The following STAT2 variants were observed in gnomAD, a reference collection of about 807,000 sequenced individuals.
The protein encoded by STAT2 is signal transducer and activator of transcription 2.
STAT2 carries 51 observed loss-of-function variants against 122.3 expected under a neutral mutation model. The ratio of observed to expected loss-of-function variants is 0.42; its 90% CI spans 0.33 to 0.53. The LOEUF (loss-of-function observed/expected upper bound fraction) is 0.53, where lower values mean the gene tolerates loss of function less well. Ranked by LOEUF, STAT2 falls within the 20% of genes least tolerant of loss-of-function variation. The probability of loss-of-function intolerance (pLI) is 0.10; values close to 1 mark genes in which losing one functional copy is unlikely to be tolerated. For missense variants in STAT2, 736 were observed against 1,010.3 expected (o/e 0.73, Z 3.68); for synonymous variants, 351 against 394.9 (o/e 0.89, Z 1.32).
intron 3 of STAT2, among the ~76,000 whole-genome samples, 160 bp from the exon 4 acceptor site, chr12:56,355,963 T>C (rs1879446995): frequency 6.6e-6 from 1 of 152,212 alleles, no homozygotes; most frequent in Non-Finnish European, 1.5e-5. Context: ...GTCACGTATA[T>C]GCAACCCTTC....
chr12:56,344,117 T>C lies in STAT2; in HGVS notation c.2121A>G (p.Gln707=), dbSNP rs1327475165. The change falls in exon 23 of 24, where the codon CAA becomes CAG. Residue 707 remains glutamine, a synonymous_variant. Transcript: ENST00000314128. ...VVSNRQVDEL[Q]QPLELKPEPE... is the part of the protein sequence containing the mutation. The stretch of plus-strand genomic sequence containing the variant: ...GCTCTGGCTTAAGCTCCAGCGGTTG[T>C]TGCAGTTCATCCACCTGTCTGGATA... 6.4e-7 allele frequency: 1 copy of C among 1,558,098 alleles called. No individual in the cohort carries two copies. The highest frequency in any genetic ancestry group is 8.7e-7 in the Non-Finnish European group (1 of 1,149,558).
Position 56,346,619 on chromosome 12 carries a change from C to A in STAT2, c.1867G>T (p.Val623Leu). Residue 623 changes from valine (V) to leucine (L), a missense_variant, in exon 21 of 24, where the codon GTG becomes TTG. By Grantham distance (32) the Val-to-Leu change is conservative. Transcript: ENST00000314128. Reference protein sequence around the residue: ...SWVEHQDDDKVLIYSVQPYTK... With the variant: ...SWVEHQDDDKLLIYSVQPYTK... Reference sequence around the variant, plus strand: ...TACGGTTGCACAGAGTAGATGAGCACCTTGTCTGGAGAGTGAATGCAGGAA... The same window carrying A: ...TACGGTTGCACAGAGTAGATGAGCAACTTGTCTGGAGAGTGAATGCAGGAA... The A allele has an allele frequency of 6.2e-7, 1 of 1,614,080 alleles. No individual in the cohort carries two copies. The highest frequency in any genetic ancestry group is 1.1e-5 in the South Asian group (1 of 91,068).
intron 8 of STAT2, among the ~76,000 whole-genome samples, chr12:56,353,683 AAT>A (rs1023403917): frequency 3.3e-5 from 5 of 152,166 alleles, no homozygotes; most frequent in Middle Eastern, 3.4e-3. Context: ...GGACATAAGA[AAT>A]AACATGGATA....
chr12:56,348,663 G>A (rs758397566), intron 18 of STAT2, 40 bp from the exon 19 acceptor site: 2 of 1,614,072 alleles, frequency 1.2e-6, no homozygotes, highest in Non-Finnish European at 1.7e-6. Context: ...CTGAGGAGTT[G>A]CCTCTGGTGT....
intron 12 of STAT2, 32 bp downstream of exon 12, chr12:56,350,379 CA>C: frequency 1.3e-6 from 2 of 1,593,634 alleles, no homozygotes; most frequent in Non-Finnish European, 1.7e-6. Flanking sequence ...ATACACTGTA[CA>C]GATGTTTGCA....
intron 7 of STAT2, 80 bp downstream of exon 7, chr12:56,354,698 A>G: frequency 6.2e-7 from 1 of 1,612,364 alleles, no homozygotes; most frequent in Middle Eastern, 1.7e-4. Context: ...CAAAGAAGCC[A>G]GCGCTAGAGG....
In STAT2 at chr12:56,344,111, C is replaced by T. The variant is rs140174092; in HGVS notation, c.2127G>A (p.Pro709=). 104 of 1,562,204 alleles carry T rather than the reference C, an allele frequency of 6.7e-5. No individual in the cohort carries two copies. The highest frequency in any genetic ancestry group is 6.3e-4 in the South Asian group (54 of 86,230). The change falls in exon 23 of 24, where the codon CCG becomes CCA. Residue 709 remains proline (P), a synonymous_variant. Coordinates refer to ENST00000314128, the MANE Select transcript of STAT2 (RefSeq NM_005419.4). ...SNRQVDELQQ[P]LELKPEPELE... is the part of the protein sequence containing the mutation. Reference sequence around the variant, plus strand: ...GCTCTGGCTCTGGCTTAAGCTCCAGCGGTTGTTGCAGTTCATCCACCTGTC... The same window carrying T: ...GCTCTGGCTCTGGCTTAAGCTCCAGTGGTTGTTGCAGTTCATCCACCTGTC...
chr12:56,355,568 G>A, intron 4 of STAT2, 36 bp from the exon 5 acceptor site: 2 of 1,611,586 alleles, frequency 1.2e-6, no homozygotes, highest in South Asian at 2.2e-5. Flanking sequence ...TTTAACTCTG[G>A]CCTTTCATGC....
intron 11 of STAT2, 128 bp from the exon 12 acceptor site, chr12:56,350,560 G>T: frequency 1.2e-6 from 1 of 858,132 alleles, no homozygotes; most frequent in Non-Finnish European, 1.8e-6. Flanking sequence ...GCCTTGAGAA[G>T]AGATGTAATC....
rs1218335619 is a variant in STAT2, at chr12:56,345,479, AAC to A, written c.2102+665_2102+666del. Among the ~76,000 whole-genome samples, 7 of 115,950 alleles carry A rather than the reference AAC, an allele frequency of 6.0e-5. No individual in the cohort carries two copies. The East Asian group carries it at 1.8e-3, about 30-fold the overall frequency. The allele number at this position is 115,950 out of a possible 152,430, so 76.1% of individuals were successfully genotyped here. A position where few individuals can be genotyped will look rare whatever the true frequency, so the allele number is the denominator to read the frequency against. The stretch of plus-strand genomic sequence containing the variant: ...TATACCACTGCACTCCAGCCTGGAT[AAC>A]AGAGACCCTGTCTCAAAAAAAAAAA... On this transcript the variant is annotated intron_variant, in intron 22 of 23. Coordinates refer to ENST00000314128, the MANE Select transcript of STAT2 (RefSeq NM_005419.4).
Position 56,343,381 on chromosome 12 carries a change from T to C in STAT2, c.*8A>G, listed in dbSNP as rs1380322370. On this transcript the variant is annotated 3_prime_UTR_variant, in exon 24 of 24. Transcript: ENST00000314128. ...AGAGATATGAAAAGAACAGAGGAAA[T>C]GTGGTTCCTAGAAGTCAGAAGGCAT... 5.6e-6 allele frequency: 9 copies of C among 1,611,032 alleles called. No individual in the cohort carries two copies. The highest frequency in any genetic ancestry group is 7.6e-6 in the Non-Finnish European group (9 of 1,178,200).
At chr12:56,343,613 A>G in intron 23 of STAT2, 82 bp from the exon 24 acceptor site, 1 of 1,561,928 alleles carries the variant, frequency 6.4e-7, no homozygotes, top group Non-Finnish European at 8.7e-7. Context: ...GGAGGATGGC[A>G]GGAAAGGCCT....
At chr12:56,354,016 A>AAAAAAAAATATAT (rs71081350) in intron 8 of STAT2, among the ~76,000 whole-genome samples, 15 of 16,684 alleles carry the variant, frequency 9.0e-4, no homozygotes, top group East Asian at 0.01. Context: ...AAAAAAAAAA[A>AAAAAAAAATATAT]ATATATATAT....
intron 22 of STAT2, among the ~76,000 whole-genome samples, chr12:56,345,524 A>AAAAAATATATATATATATATAT (rs1555169410): frequency 7.6e-5 from 2 of 26,244 alleles, no homozygotes; most frequent in Admixed American, 5.4e-4. Context: ...AAAAAAAAAA[A>AAAAAATATATATATATATATAT]ATATATATAT....
At chr12:56,359,674 T>C (rs946902826) in intron 1 of STAT2, among the ~76,000 whole-genome samples, 5 of 152,378 alleles carry the variant, frequency 3.3e-5, no homozygotes, top group Middle Eastern at 3.4e-3. Context: ...CATCTTTCAG[T>C]AGCTTATACT....
At chr12:56,356,755 C>G (rs1055102180) in intron 1 of STAT2, among the ~76,000 whole-genome samples, 177 bp from the exon 2 acceptor site, 1 of 152,186 alleles carries the variant, frequency 6.6e-6, no homozygotes, top group Non-Finnish European at 1.5e-5. Context: ...TTCCCCTCCT[C>G]TCCAGAAGTA....
At chr12:56,345,305 C>T (rs1162177548) in intron 22 of STAT2, among the ~76,000 whole-genome samples, 2 of 148,328 alleles carry the variant, frequency 1.3e-5, no homozygotes, top group African/African-American at 5.0e-5. Flanking sequence ...GCCTGGGCAA[C>T]ACAGTGATAC....
chr12:56,349,676 C>T, intron 13 of STAT2, 40 bp from the exon 14 acceptor site: 4 of 1,613,846 alleles, frequency 2.5e-6, no homozygotes, highest in Non-Finnish European at 3.4e-6. Context: ...CCAGAGTGGG[C>T]ACCCTAGTGT....
intron 8 of STAT2, chr12:56,352,371 T>TTTGTGGG (rs1565655623): frequency 3.5e-4 from 10 of 28,502 alleles, no homozygotes; most frequent in Non-Finnish European, 6.8e-4. Context: ...TTTTTTTTTT[T>TTTGTGGG]GGTGGGGGTG....
Sources: allele counts gnomAD v4.1 joint callset (sites outside exome capture counted in the v4.1 genomes callset), GRCh38; gene constraint gnomAD v4.1.1; transcripts MANE v1.5; gene names NCBI Gene and HGNC (gene_info 2026-07-23, HGNC 2026-07-21).